ZNF550: variants seen among roughly 807,000 people sequenced by gnomAD.
The protein encoded by ZNF550 is zinc finger protein 550.
A neutral mutation model predicts 40.2 loss-of-function variants in ZNF550; 42 were observed. The observed-to-expected ratio is 1.05, with a 90% CI of 0.82 to 1.35. The LOEUF (loss-of-function observed/expected upper bound fraction) is 1.35. Ranked by LOEUF, ZNF550 falls within the 40% of genes most tolerant of loss-of-function variation. The probability of loss-of-function intolerance (pLI) is 0.00; values close to 1 mark genes in which losing one functional copy is unlikely to be tolerated. For missense variants in ZNF550, 549 were observed against 525.2 expected (o/e 1.05, Z -0.44); for synonymous variants, 223 against 198.6 (o/e 1.12, Z -1.03).
At chr19:57,558,102 T>C (rs2090138251) in intron 1 of ZNF550, among the ~76,000 whole-genome samples, 1 of 152,120 alleles carries the variant, frequency 6.6e-6, no homozygotes, top group Non-Finnish European at 1.5e-5. Context: ...AAAGCAGCAT[T>C]TGAGCACCGC....
exon 5 of ZNF550, chr19:57,542,168 T>C (rs939689555): frequency 6.6e-6 from 1 of 152,034 alleles, no homozygotes; most frequent in Non-Finnish European, 1.5e-5. Flanking sequence ...ATATATTCTA[T>C]ATCACTTTAA....
intron 2 of ZNF550, 196 bp from the exon 3 acceptor site, chr19:57,552,918 ATG>A: frequency 1.8e-6 from 1 of 564,560 alleles, no homozygotes; most frequent in Non-Finnish European, 3.1e-6. Context: ...TCATATGTTG[ATG>A]CCCTAACACC....
intron 1 of ZNF550, chr19:57,556,886 T>A (rs1242783063): frequency 1.3e-5 from 2 of 158,848 alleles, no homozygotes; most frequent in Non-Finnish European, 2.8e-5. Context: ...ACTCAAGGTT[T>A]AATGGAGTTA....
chr19:57,547,358 A>C (rs769520622), exon 4 of ZNF550: 8 of 1,613,020 alleles, frequency 5.0e-6, no homozygotes, highest in Non-Finnish European at 6.8e-6. Context: ...CGGTGGGTGA[A>C]GGCCTTTCGA....
At chr19:57,559,624 G>A in intron 1 of ZNF550, 32 bp downstream of exon 1, 3 of 1,469,524 alleles carry the variant, frequency 2.0e-6, no homozygotes, top group Non-Finnish European at 2.7e-6. Flanking sequence ...CTGAGGCCGG[G>A]TGGCCGCGGG....
intron 3 of ZNF550, among the ~76,000 whole-genome samples, chr19:57,551,750 C>T (rs1326540016): frequency 6.6e-6 from 1 of 152,154 alleles, no homozygotes; most frequent in Non-Finnish European, 1.5e-5. Flanking sequence ...GGGGAGAGCC[C>T]ATGACTCAGT....
At chr19:57,553,127 A>AT (rs1489240668) in intron 2 of ZNF550, 1 of 158,702 alleles carries the variant, frequency 6.3e-6, no homozygotes, top group African/African-American at 2.4e-5. Context: ...TAGGAATCAA[A>AT]TTTGCCGACA....
chr19:57,545,637 C>A (rs2090001824), intron 4 of ZNF550, among the ~76,000 whole-genome samples: 1 of 148,774 alleles, frequency 6.7e-6, no homozygotes, highest in African/African-American at 2.5e-5. Context: ...AATCCCAACA[C>A]TTTAGGAGGC....
At chr19:57,544,642 CA>C in intron 4 of ZNF550, 1 of 981,896 alleles carries the variant, frequency 1.0e-6, no homozygotes, top group Non-Finnish European at 1.2e-6. Context: ...ATAATATGTG[CA>C]AAAGGACCAC....
rs142793269 is a variant in ZNF550, at chr19:57,543,187, T to C, written c.*575A>G. 54 of 945,216 alleles carry C rather than the reference T, an allele frequency of 5.7e-5. No individual in the cohort carries two copies. The East Asian group carries it at 5.0e-3, about 87-fold the overall frequency. 58.6% of individuals were successfully genotyped at this position (945,216 alleles called of 1,614,324 possible). ...TTCCTTCGGTGTTGTAGTTCTATTA[T>C]GTTTTTATTCCGTCAGCAATTTCTT... On this transcript the variant is annotated 3_prime_UTR_variant, in exon 5 of 5. Coordinates refer to ENST00000457177, the Ensembl canonical transcript of ZNF550.
intron 1 of ZNF550, chr19:57,557,344 T>C (rs377169985): frequency 6.6e-6 from 1 of 152,036 alleles, no homozygotes; most frequent in Non-Finnish European, 1.5e-5. Context: ...ACTGAGATGT[T>C]TGGGTAAAGT....
chr19:57,542,794 C>T (rs1600169440), exon 5 of ZNF550: 3 of 152,148 alleles, frequency 2.0e-5, no homozygotes, highest in African/African-American at 7.2e-5. Context: ...GTCTTCACAT[C>T]GTCTTCCCTC....
At chr19:57,543,177 A>G in exon 5 of ZNF550, 2 of 917,590 alleles carry the variant, frequency 2.2e-6, no homozygotes, top group East Asian at 2.4e-4. Context: ...TCGGTGTTGT[A>G]GTTCTATTAT....
intron 4 of ZNF550, chr19:57,544,417 AAT>A: frequency 1.0e-6 from 1 of 985,450 alleles, no homozygotes; most frequent in Non-Finnish European, 1.2e-6. Context: ...GATGACAGCC[AAT>A]ATGTTTCTAG....
intron 4 of ZNF550, chr19:57,544,447 T>C (rs1461720643): frequency 2.0e-6 from 2 of 985,310 alleles, no homozygotes; most frequent in East Asian, 2.3e-4. Flanking sequence ...TCTCCAACTC[T>C]CTTGAACCCA....
chr19:57,549,560 G>A, intron 3 of ZNF550, among the ~76,000 whole-genome samples: 1 of 152,168 alleles, frequency 6.6e-6, no homozygotes. Context: ...CTTTCTAGAG[G>A]AGGTGTCCCA....
Position 57,559,749 on chromosome 19 carries a change from T to C in ZNF550, c.-67A>G, listed in dbSNP as rs2090154855. ...GGGCTCAAAACCCTACCCCGGGTCC[T>C]ACAACGGTGCGGAGGTGAGCCCCAG... On this transcript the variant is annotated 5_prime_UTR_variant, in exon 1 of 5. An upstream open reading frame in the 5' UTR loses its in-frame stop. Transcript: ENST00000457177. The C allele has an allele frequency of 3.6e-6, 5 of 1,378,028 alleles. No individual in the cohort carries two copies. The highest frequency in any genetic ancestry group is 2.3e-5 in the Admixed American group (1 of 42,904). The allele number at this position is 1,378,028 out of a possible 1,614,324, so 85.4% of individuals were successfully genotyped here.
At chr19:57,547,790 G>C in exon 4 of ZNF550, 1 of 1,614,134 alleles carries the variant, frequency 6.2e-7, no homozygotes, top group Non-Finnish European at 8.5e-7. Context: ...ACTTTCCCAA[G>C]ATGGGTCTCC....
At position 57,552,393 on chromosome 19, in the gene ZNF550, A is replaced by C. The variant is rs1186832568; in HGVS notation, c.250+234T>G. ...TGTTCCCCTTCTACCAGCTGGATTG[A>C]GCCAGAGCAACCATAAAGATTCCTG... is the stretch of plus-strand genomic sequence containing the variant. On this transcript the variant is annotated intron_variant, in intron 3 of 4. Transcript: ENST00000457177. 1.4e-4 allele frequency: 71 copies of C among 497,592 alleles called. No individual in the cohort carries two copies. In the East Asian group the frequency reaches 2.2e-3, roughly 15 times the overall value. The allele number at this position is 497,592 out of a possible 1,614,324, so 30.8% of individuals were successfully genotyped here. A position where few individuals can be genotyped will look rare whatever the true frequency, so the allele number is the denominator to read the frequency against.
Sources: allele counts gnomAD v4.1 joint callset (sites outside exome capture counted in the v4.1 genomes callset), GRCh38; gene constraint gnomAD v4.1.1; transcripts MANE v1.5; gene names NCBI Gene and HGNC (gene_info 2026-07-23, HGNC 2026-07-21).